FER1L5: variants seen among roughly 807,000 people sequenced by gnomAD.
FER1L5 encodes fer-1-like protein 5.
FER1L5 carries 187 observed loss-of-function variants against 279.9 expected under a neutral mutation model. That is an observed-to-expected ratio of 0.67 (90% CI 0.59 to 0.75). FER1L5 has a LOEUF of 0.75. Ranked by LOEUF, FER1L5 falls within the 30% of genes least tolerant of loss-of-function variation. The pLI is 0.00. For synonymous variants in FER1L5, 921 were observed against 989.7 expected, an observed-to-expected ratio of 0.93 and a Z score of 1.30; for missense variants, 2,091 against 2,594.4, an observed-to-expected ratio of 0.81 and a Z score of 4.21.
rs779444835 is a variant in FER1L5, at chr2:96,695,652, C to T, written c.3885C>T (p.Val1295=). 1.9e-6 allele frequency: 3 copies of T among 1,606,426 alleles called. No homozygotes were observed. Among genetic ancestry groups the T allele is most frequent in the Admixed American group, 1.7e-5 (1 of 59,066 alleles). ...PNFPESESVL[V]LTVLMPTEEA... is the part of the protein sequence containing the mutation. ...TCCCCGAGTCTGAGTCTGTCCTAGT[C>T]CTCACAGTGGTAAGAGGCCCCAGGG... The change falls in exon 35 of 53, where the codon GTC becomes GTT. Residue 1295 remains valine (V), a synonymous_variant. Coordinates refer to ENST00000624922, the MANE Select transcript of FER1L5 (RefSeq NM_001293083.2).
Position 96,698,557 on chromosome 2 carries a change from C to A in FER1L5, c.4357-114C>A, listed in dbSNP as rs1182968250. On this transcript the variant is annotated intron_variant, in intron 40 of 52. Transcript: ENST00000624922. The surrounding 1 kb of genome is among the most constrained non-coding windows in gnomAD (Gnocchi z 5.5). Reference sequence around the variant, plus strand: ...CTGTCCTCATGGCCTTCTATCCCTGCCACCCTCAGCCCAACCCTCTCTCTC... The same window carrying A: ...CTGTCCTCATGGCCTTCTATCCCTGACACCCTCAGCCCAACCCTCTCTCTC... The A allele has an allele frequency of 1.1e-6, 1 of 885,898 alleles. No homozygotes were observed. Among genetic ancestry groups the A allele is most frequent in the Non-Finnish European group, 1.7e-6 (1 of 578,526 alleles). 54.9% of individuals were successfully genotyped at this position (885,898 alleles called of 1,614,324 possible).
chr2:96,670,916 C>G (rs925510884), intron 18 of FER1L5, among the ~76,000 whole-genome samples: 2 of 151,360 alleles, frequency 1.3e-5, no homozygotes, highest in Non-Finnish European at 2.9e-5. Flanking sequence ...ACCAGCCTGG[C>G]CAATATGGCG....
At chr2:96,673,287 C>A in intron 19 of FER1L5, 33 bp downstream of exon 19, 16 of 1,532,612 alleles carry the variant, frequency 1.0e-5, no homozygotes, top group East Asian at 2.5e-5. Context: ...AAGTAGAGAG[C>A]AGCCACTGCA....
intron 3 of FER1L5, 43 bp downstream of exon 3, chr2:96,647,198 G>A (rs1302474584): frequency 1.2e-5 from 18 of 1,527,574 alleles, no homozygotes; most frequent in East Asian, 2.5e-5. Flanking sequence ...CCTGACCAAC[G>A]CAGCAGCAAG....
chr2:96,694,207 A>G lies in FER1L5; in HGVS notation c.3636+135A>G. On this transcript the variant is annotated intron_variant, in intron 33 of 52. Coordinates refer to ENST00000624922, the MANE Select transcript of FER1L5 (RefSeq NM_001293083.2). This position sits in a 1 kb window ranked among gnomAD's most constrained non-coding sequence, Gnocchi z 4.6. ...AGGATCCCGAGCTGTGGGCTTGGTGACGCTGGCCTGACCAGCCTCTCCCCT... is the reference window on the plus strand; with the variant it reads ...AGGATCCCGAGCTGTGGGCTTGGTGGCGCTGGCCTGACCAGCCTCTCCCCT... 7.3e-7 allele frequency: 1 copy of G among 1,363,804 alleles called. No homozygotes were observed. The highest frequency in any genetic ancestry group is 9.7e-7 in the Non-Finnish European group (1 of 1,025,768). The allele number at this position is 1,363,804 out of a possible 1,614,324, so 84.5% of individuals were successfully genotyped here. A position where few individuals can be genotyped will look rare whatever the true frequency, so the allele number is the denominator to read the frequency against.
At chr2:96,659,625 G>A in intron 9 of FER1L5, among the ~76,000 whole-genome samples, 1 of 149,944 alleles carries the variant, frequency 6.7e-6, no homozygotes, top group East Asian at 2.0e-4. Context: ...CCTAGTAGCT[G>A]AGACTACAGG....
rs1471668959 is a variant in FER1L5 at position 96,669,110 on chromosome 2, C to A, written c.1335C>A (p.Ala445=). The A allele has an allele frequency of 6.4e-7, 1 of 1,551,540 alleles. No individual in the cohort carries two copies. The highest frequency in any genetic ancestry group is 2.0e-5 in the Admixed American group (1 of 50,990). ...SFLTLHGGKK[A]PFRIQEEGAC... is the part of the protein sequence containing the mutation. The stretch of plus-strand genomic sequence containing the variant: ...TGACTCTGCATGGGGGTAAAAAGGC[C>A]CCTTTCAGGATCCAGGAAGAAGGCG... The change falls in exon 17 of 53, where the codon GCC becomes GCA. Residue 445 remains alanine, a synonymous_variant. Transcript: ENST00000624922.
At chr2:96,666,901 C>T (rs757135246) in intron 14 of FER1L5, among the ~76,000 whole-genome samples, 21 of 152,152 alleles carry the variant, frequency 1.4e-4, no homozygotes, top group South Asian at 2.1e-4. Flanking sequence ...GATCCTCCCA[C>T]TTCAGCCTCC....
At chr2:96,684,592 C>G (rs1337591744) in intron 20 of FER1L5, 141 bp downstream of exon 20, 2 of 1,278,520 alleles carry the variant, frequency 1.6e-6, no homozygotes, top group Non-Finnish European at 2.1e-6. Context: ...GAAGAATGTG[C>G]CAGAAGCAGG....
chr2:96,651,245 T>G (rs1050194557), intron 6 of FER1L5, among the ~76,000 whole-genome samples: 8 of 62,302 alleles, frequency 1.3e-4, no homozygotes, highest in African/African-American at 4.6e-4. Context: ...TTCTCTTTCT[T>G]TCTTTCTTTC....
rs1017782008 is a variant in FER1L5, at chr2:96,652,214, G to T, written c.633+194G>T. The stretch of plus-strand genomic sequence containing the variant: ...TCAGAGCCCTGTATCTGAGGAGCTG[G>T]TGGGCTGGTGGGGGCACAACTCATG... On this transcript the variant is annotated intron_variant, in intron 7 of 52. Transcript: ENST00000624922. 1.4e-5 allele frequency: 10 copies of T among 714,258 alleles called. No homozygotes were observed. In the East Asian group the frequency reaches 2.9e-4, roughly 20 times the overall value. The allele number at this position is 714,258 out of a possible 1,614,324, so 44.2% of individuals were successfully genotyped here.
At chr2:96,667,593 C>G (rs746569079) in intron 14 of FER1L5, among the ~76,000 whole-genome samples, 1 of 152,008 alleles carries the variant, frequency 6.6e-6, no homozygotes, top group Non-Finnish European at 1.5e-5. Context: ...GTGATCTGCC[C>G]GCCTCGGCCT....
intron 9 of FER1L5, among the ~76,000 whole-genome samples, chr2:96,657,690 A>C (rs2106483048): frequency 6.6e-6 from 1 of 152,310 alleles, no homozygotes; most frequent in Admixed American, 6.5e-5. Flanking sequence ...AGTTCATATC[A>C]ATAGAATCAT....
chr2:96,698,943 G>C lies in FER1L5; in HGVS notation c.4519-102G>C, dbSNP rs375640674. On this transcript the variant is annotated intron_variant, in intron 41 of 52. Coordinates refer to ENST00000624922, the MANE Select transcript of FER1L5 (RefSeq NM_001293083.2). This position sits in a 1 kb window ranked among gnomAD's most constrained non-coding sequence, Gnocchi z 5.5. The stretch of plus-strand genomic sequence containing the variant: ...AGAATGCCAACTCCCCATAGGCTCC[G>C]TGTGGTGCGAGGGGCTTGTTTCCAC... 2 of 1,528,750 alleles carry C rather than the reference G, an allele frequency of 1.3e-6. No homozygotes were observed. Among genetic ancestry groups the C allele is most frequent in the African/African-American group, 2.8e-5 (2 of 72,594 alleles). The allele number at this position is 1,528,750 out of a possible 1,614,324, so 94.7% of individuals were successfully genotyped here.
At chr2:96,669,237 C>T in intron 17 of FER1L5, 100 bp downstream of exon 17, 1 of 1,202,754 alleles carries the variant, frequency 8.3e-7, no homozygotes. Flanking sequence ...GCCCTGGTTT[C>T]TGTCCCTCGG....
In FER1L5 at chr2:96,697,731, G is replaced by A. The variant is rs1353568203; in HGVS notation, c.4206G>A (p.Lys1402=). 1 of 1,614,070 alleles carries A rather than the reference G, an allele frequency of 6.2e-7. No homozygotes were observed. The highest frequency in any genetic ancestry group is 8.5e-7 in the Non-Finnish European group (1 of 1,179,902). The change falls in exon 39 of 53, where the codon AAG becomes AAA. Residue 1402 remains lysine, a synonymous_variant. Transcript: ENST00000624922. ...FWATDEHKSL[K]YKYKDYHTLK... ...CCACAGATGAGCACAAGTCCCTGAA[G>A]TACAAGTACAAAGACTACCACACCC...
rs371057125 is a variant in FER1L5, at chr2:96,704,244, G to A, written c.5831G>A (p.Arg1944Gln). The change falls in exon 52 of 53, where the codon CGG becomes CAG. Residue 1944 changes from arginine to glutamine, a missense_variant. Physicochemically the swap from Arg to Gln is conservative, Grantham distance 43 (BLOSUM62 1). Transcript: ENST00000624922. The part of the protein sequence containing the change: ...LRTNTSFTWL[R>Q]SPVQNFCYIF... Reference sequence around the variant, plus strand: ...ACCAACACCTCTTTCACGTGGCTGCGGTCACCAGTTCAAAACTTCTGCTAT... The same window carrying A: ...ACCAACACCTCTTTCACGTGGCTGCAGTCACCAGTTCAAAACTTCTGCTAT... The A allele has an allele frequency of 2.5e-5, 41 of 1,613,820 alleles. No individual in the cohort carries two copies. The highest frequency in any genetic ancestry group is 3.1e-5 in the Non-Finnish European group (36 of 1,179,906).
rs374768537 is a variant in FER1L5, at chr2:96,700,465, C to T, written c.5064C>T (p.Ile1688=). Residue 1688 remains isoleucine (I), a synonymous_variant, in exon 45 of 53, where the codon ATC becomes ATT. Coordinates refer to ENST00000624922, the MANE Select transcript of FER1L5 (RefSeq NM_001293083.2). ...TGTACAGCCACAGCCAGCCAGGCAT[C>T]GACCAGGTATGAGACTGGAGGGGCC... is the stretch of plus-strand genomic sequence containing the variant. ...RTLYSHSQPG[I]DQGKVQMWVD... is the part of the protein sequence containing the mutation. 7.2e-5 allele frequency: 116 copies of T among 1,613,158 alleles called. No homozygotes were observed. Among genetic ancestry groups the T allele is most frequent in the Admixed American group, 1.7e-4 (10 of 59,998 alleles).
chr2:96,702,187 C>T lies in FER1L5; in HGVS notation c.5160-119C>T. The stretch of plus-strand genomic sequence containing the variant: ...GAAGCTCTACTGGGAGCTTTCTTCC[C>T]CTGAATTCCCCACACTGAGCAAAAA... On this transcript the variant is annotated intron_variant, in intron 46 of 52. Coordinates refer to ENST00000624922, the MANE Select transcript of FER1L5 (RefSeq NM_001293083.2). The surrounding 1 kb of genome is among the most constrained non-coding windows in gnomAD (Gnocchi z 4.0). 28 of 1,559,312 alleles carry T rather than the reference C, an allele frequency of 1.8e-5. No homozygotes were observed. Among genetic ancestry groups the T allele is most frequent in the Non-Finnish European group, 2.3e-5 (27 of 1,152,300 alleles).
Sources: gnomAD v4.1 joint callset for allele counts (sites outside exome capture counted in the v4.1 genomes callset) on GRCh38, gnomAD v4.1.1 for gene constraint, Gnocchi (gnomAD v3.1) non-coding constraint, MANE v1.5 for transcripts, NCBI Gene and HGNC (gene_info 2026-07-23, HGNC 2026-07-21) for gene names.